ATG5: variants seen among roughly 807,000 people sequenced by gnomAD.
The protein encoded by ATG5 is autophagy related 5.
In ATG5, 14 loss-of-function variants were observed where a neutral mutation model predicts 36.5. The observed-to-expected ratio is 0.38, with a 90% CI of 0.25 to 0.60. The LOEUF is 0.60. ATG5 is among the 20% of genes least tolerant of loss of function. ATG5 has a pLI of 0.60. For synonymous variants in ATG5, 95 were observed against 101.5 expected, an observed-to-expected ratio of 0.94 and a Z score of 0.38; for missense variants, 195 against 326.7, an observed-to-expected ratio of 0.60 and a Z score of 3.11.
chr6:106,275,924 A>G (rs996683446), intron 5 of ATG5, among the ~76,000 whole-genome samples: 2 of 152,234 alleles, frequency 1.3e-5, no homozygotes, highest in Non-Finnish European at 2.9e-5. Flanking sequence ...AAAGTAGCCA[A>G]CGACAATACA....
chr6:106,212,953 A>G (rs1285530087), intron 6 of ATG5, among the ~76,000 whole-genome samples: 1 of 152,234 alleles, frequency 6.6e-6, no homozygotes, highest in Non-Finnish European at 1.5e-5. Context: ...TGATATAAAC[A>G]AATTACAACA....
chr6:106,320,885 G>C (rs1771040918), intron 1 of ATG5, among the ~76,000 whole-genome samples: 1 of 152,192 alleles, frequency 6.6e-6, no homozygotes, highest in Admixed American at 6.5e-5. Flanking sequence ...CCTTGAGTCA[G>C]AGAGGCTAGC....
chr6:106,273,541 G>C (rs952870073), intron 5 of ATG5, among the ~76,000 whole-genome samples: 1 of 152,076 alleles, frequency 6.6e-6, no homozygotes, highest in Non-Finnish European at 1.5e-5. Context: ...CTTCGTATTT[G>C]TAATAAAACT....
intron 7 of ATG5, among the ~76,000 whole-genome samples, chr6:106,196,295 C>T (rs1776186452): frequency 6.6e-6 from 1 of 152,034 alleles, no homozygotes; most frequent in Non-Finnish European, 1.5e-5. Context: ...GCAAGTATTT[C>T]AGAATGTTAT....
intron 5 of ATG5, among the ~76,000 whole-genome samples, chr6:106,271,878 G>A (rs1399360949): frequency 6.6e-6 from 1 of 152,174 alleles, no homozygotes; most frequent in Non-Finnish European, 1.5e-5. Flanking sequence ...CATAGGATTA[G>A]TTCTCTGGAA....
At position 106,227,692 on chromosome 6, in the gene ATG5, A is replaced by C. The variant is rs1777500334; in HGVS notation, c.573+20458T>G. Among the ~76,000 whole-genome samples, 3 of 152,350 alleles carry C rather than the reference A, an allele frequency of 2.0e-5. No individual in the cohort carries two copies. In the South Asian group the frequency reaches 6.2e-4, roughly 32 times the overall value. ...GTGCTTAAGACTGTAGATCAATACCATAGAAAATAATTTAGTATTTAGGAA... is the reference window on the plus strand; with the variant it reads ...GTGCTTAAGACTGTAGATCAATACCCTAGAAAATAATTTAGTATTTAGGAA... On this transcript the variant is annotated intron_variant, in intron 6 of 7. Coordinates refer to ENST00000369076, the MANE Select transcript of ATG5 (RefSeq NM_004849.4).
chr6:106,281,705 C>G (rs1234644363), intron 4 of ATG5, among the ~76,000 whole-genome samples: 2 of 152,158 alleles, frequency 1.3e-5, no homozygotes, highest in East Asian at 1.9e-4. Flanking sequence ...AAAAGAAATG[C>G]TGGGTCATAG....
intron 6 of ATG5, among the ~76,000 whole-genome samples, chr6:106,206,372 G>A (rs1264845591): frequency 1.3e-5 from 2 of 152,128 alleles, no homozygotes; most frequent in Non-Finnish European, 2.9e-5. Context: ...CCAGAACTGT[G>A]AGAAATAATT....
chr6:106,268,361 TA>T (rs1166334986), intron 5 of ATG5, among the ~76,000 whole-genome samples: 1 of 152,152 alleles, frequency 6.6e-6, no homozygotes, highest in Non-Finnish European at 1.5e-5. Context: ...TGGGGATTAT[TA>T]AAAAGTCAGG....
chr6:106,188,094 T>C (rs1052299182), intron 7 of ATG5, among the ~76,000 whole-genome samples: 6 of 152,202 alleles, frequency 3.9e-5, no homozygotes, highest in Admixed American at 2.0e-4. Context: ...GTTAATATAA[T>C]GATTTGTTTT....
intron 5 of ATG5, among the ~76,000 whole-genome samples, chr6:106,278,169 A>G (rs1255847481): frequency 1.3e-5 from 2 of 152,064 alleles, no homozygotes; most frequent in Non-Finnish European, 2.9e-5. Context: ...TCCAACTCCT[A>G]GCCTCAAGTG....
Position 106,186,261 on chromosome 6 carries a change from T to C in ATG5, c.*279A>G. 5.8e-6 allele frequency: 2 copies of C among 347,736 alleles called. No homozygotes were observed. The highest frequency in any genetic ancestry group is 5.2e-6 in the Non-Finnish European group (1 of 192,500). 21.5% of individuals were successfully genotyped at this position (347,736 alleles called of 1,614,324 possible). A position where few individuals can be genotyped will look rare whatever the true frequency, so the allele number is the denominator to read the frequency against. On this transcript the variant is annotated 3_prime_UTR_variant, in exon 8 of 8. Transcript: ENST00000369076. ...TTCCATTTTCTTCTTAGGCCAAAGG[T>C]TTCAGCTTCATTATATTTTACAGAA...
chr6:106,227,529 G>A (rs1777494946), intron 6 of ATG5, among the ~76,000 whole-genome samples: 1 of 152,190 alleles, frequency 6.6e-6, no homozygotes, highest in Admixed American at 6.5e-5. Flanking sequence ...CCAGGAGTTG[G>A]AGGCTGCAGT....
At chr6:106,302,306 C>G (rs1418119186) in intron 3 of ATG5, among the ~76,000 whole-genome samples, 1 of 151,996 alleles carries the variant, frequency 6.6e-6, no homozygotes, top group Non-Finnish European at 1.5e-5. Flanking sequence ...GCTTAGTACA[C>G]CTGGAAAGAC....
At chr6:106,319,018 C>A (rs1770964777) in intron 1 of ATG5, among the ~76,000 whole-genome samples, 1 of 152,106 alleles carries the variant, frequency 6.6e-6, no homozygotes, top group African/African-American at 2.4e-5. Flanking sequence ...AAATGTGGAG[C>A]CAGACTGTCT....
At chr6:106,193,526 A>C (rs1413361701) in intron 7 of ATG5, among the ~76,000 whole-genome samples, 1 of 152,202 alleles carries the variant, frequency 6.6e-6, no homozygotes, top group African/African-American at 2.4e-5. Flanking sequence ...TTGTAATTAT[A>C]AAAAGCAAAG....
chr6:106,266,686 G>A (rs1259923021), intron 5 of ATG5, among the ~76,000 whole-genome samples: 1 of 152,116 alleles, frequency 6.6e-6, no homozygotes, highest in African/African-American at 2.4e-5. Flanking sequence ...GGGATGCAAG[G>A]CTGATTCAAC....
intron 1 of ATG5, among the ~76,000 whole-genome samples, chr6:106,323,073 C>T (rs1325457559): frequency 1.3e-5 from 2 of 151,944 alleles, no homozygotes; most frequent in South Asian, 2.1e-4. Context: ...CGCTTGCCAC[C>T]AGGCTCGGGT....
intron 6 of ATG5, among the ~76,000 whole-genome samples, chr6:106,234,521 A>G (rs1582587951): frequency 6.6e-6 from 1 of 152,184 alleles, no homozygotes; most frequent in East Asian, 1.9e-4. Context: ...CTCCCAATGC[A>G]TCAGGTGGGT....
Sources: gnomAD v4.1 joint callset for allele counts (sites outside exome capture counted in the v4.1 genomes callset) on GRCh38, gnomAD v4.1.1 for gene constraint, MANE v1.5 for transcripts, NCBI Gene and HGNC (gene_info 2026-07-23, HGNC 2026-07-21) for gene names.